The following NTRK3 variants were observed in gnomAD, a reference collection of about 807,000 sequenced individuals.
NTRK3 encodes the protein NT-3 growth factor receptor.
A neutral mutation model predicts 91.7 loss-of-function variants in NTRK3; 24 were observed. The ratio of observed to expected loss-of-function variants is 0.26; its 90% CI spans 0.19 to 0.37. NTRK3 has a LOEUF of 0.37. Among genes scored for constraint, NTRK3 ranks in the 10% least tolerant of loss-of-function variants. The pLI, the probability that NTRK3 is intolerant of heterozygous loss-of-function variation, is 1.00. For synonymous variants in NTRK3, 483 were observed against 404.0 expected, an observed-to-expected ratio of 1.20 and a Z score of -2.34; for missense variants, 880 against 1,068.9, an observed-to-expected ratio of 0.82 and a Z score of 2.46.
At chr15:87,940,840 G>C (rs2069764804) in intron 14 of NTRK3, 87 bp from the exon 15 acceptor site, 1 of 1,598,316 alleles carries the variant, frequency 6.3e-7, no homozygotes, top group Admixed American at 1.7e-5. Flanking sequence ...GTCTAGCGTG[G>C]AGAACTTGGT....
intron 17 of NTRK3, among the ~76,000 whole-genome samples, chr15:87,924,695 C>A (rs1408251885): frequency 6.6e-6 from 1 of 152,176 alleles, no homozygotes; most frequent in Admixed American, 6.5e-5. Context: ...AAGTGAGCAT[C>A]TGGTTATCTG....
intron 17 of NTRK3, among the ~76,000 whole-genome samples, chr15:87,893,540 T>A (rs1158933044): frequency 6.6e-6 from 1 of 152,208 alleles, no homozygotes; most frequent in African/African-American, 2.4e-5. Context: ...GAAAAGAGAA[T>A]TGTCTTGCTC....
intron 14 of NTRK3, among the ~76,000 whole-genome samples, chr15:87,956,407 G>T (rs902855121): frequency 1.3e-5 from 2 of 152,154 alleles, no homozygotes; most frequent in African/African-American, 4.8e-5. Context: ...CTGAGTAGCT[G>T]AGATTACAGG....
In NTRK3 at chr15:88,098,800, C is replaced by G. The variant is rs2279410; in HGVS notation, c.1396+27471G>C. On this transcript the variant is annotated intron_variant, in intron 13 of 18. Coordinates refer to ENST00000394480, the Ensembl canonical transcript of NTRK3. ...CATGGGAGAGATGGAGTGTGAAAGA[C>G]AGGCATTCATCTTGGGCCCAAAATC... 2.1e-5 allele frequency: 5 copies of G among 232,874 alleles called. No homozygotes were observed. In the East Asian group the frequency reaches 3.0e-4, roughly 14 times the overall value. 14.4% of individuals were successfully genotyped at this position (232,874 alleles called of 1,614,324 possible).
intron 13 of NTRK3, among the ~76,000 whole-genome samples, chr15:88,104,423 G>A (rs1021744300): frequency 6.6e-6 from 1 of 152,210 alleles, no homozygotes; most frequent in African/African-American, 2.4e-5. Flanking sequence ...TCTTGAAAAT[G>A]TTTGGCCACT....
At chr15:88,147,310 G>C (rs1178610859) in intron 6 of NTRK3, 25 bp downstream of exon 6, 2 of 1,607,656 alleles carry the variant, frequency 1.2e-6, no homozygotes, top group South Asian at 1.1e-5. Flanking sequence ...TTCAGTACCT[G>C]GACAGTCTTC....
At chr15:88,184,995 T>C (rs75952192) in intron 3 of NTRK3, among the ~76,000 whole-genome samples, 206 of 152,348 alleles carry the variant, frequency 1.4e-3, no homozygotes, top group African/African-American at 4.8e-3. Context: ...TAGCTTCATC[T>C]GAGACTTCAG....
chr15:88,214,156 G>A (rs1397074512), intron 3 of NTRK3, among the ~76,000 whole-genome samples: 1 of 152,126 alleles, frequency 6.6e-6, no homozygotes, highest in Non-Finnish European at 1.5e-5. Flanking sequence ...GTTTCCCGGG[G>A]CTCCCATAAC....
At chr15:88,157,718 G>A (rs1304913137) in intron 5 of NTRK3, among the ~76,000 whole-genome samples, 3 of 152,108 alleles carry the variant, frequency 2.0e-5, no homozygotes, top group Non-Finnish European at 4.4e-5. Context: ...AGATCCAGGA[G>A]GACTTGGGAG....
At chr15:87,885,807 G>A in intron 17 of NTRK3, 72 bp from the exon 18 acceptor site, 1 of 599,022 alleles carries the variant, frequency 1.7e-6, no homozygotes, top group African/African-American at 1.9e-5. Context: ...CCTCAGAAAA[G>A]GAAGGCCTTC....
At chr15:88,064,856 T>A (rs1290204519) in intron 13 of NTRK3, among the ~76,000 whole-genome samples, 1 of 152,156 alleles carries the variant, frequency 6.6e-6, no homozygotes, top group African/African-American at 2.4e-5. Context: ...TAAATGAACC[T>A]CAACACATAG....
At chr15:87,965,876 G>C (rs1483600595) in intron 14 of NTRK3, among the ~76,000 whole-genome samples, 2 of 152,104 alleles carry the variant, frequency 1.3e-5, no homozygotes, top group African/African-American at 4.8e-5. Context: ...TCAGGAGTTT[G>C]AGACCAGCCT....
chr15:88,223,559 T>C (rs2050420294), intron 3 of NTRK3, among the ~76,000 whole-genome samples: 1 of 152,176 alleles, frequency 6.6e-6, no homozygotes, highest in South Asian at 2.1e-4. Flanking sequence ...GGGGCAGCCC[T>C]AGGTAAGGAG....
At chr15:88,223,014 G>A (rs1250403374) in intron 3 of NTRK3, among the ~76,000 whole-genome samples, 1 of 152,168 alleles carries the variant, frequency 6.6e-6, no homozygotes, top group African/African-American at 2.4e-5. Flanking sequence ...AGAGGAGGGA[G>A]AGGAAGGAGA....
intron 10 of NTRK3, among the ~76,000 whole-genome samples, chr15:88,133,957 A>G (rs1003213142): frequency 6.6e-6 from 1 of 152,232 alleles, no homozygotes; most frequent in Non-Finnish European, 1.5e-5. Flanking sequence ...GTTCCCTTGC[A>G]CTGACATAAA....
At chr15:88,175,333 G>C (rs1341702679) in intron 5 of NTRK3, among the ~76,000 whole-genome samples, 2 of 152,042 alleles carry the variant, frequency 1.3e-5, no homozygotes, top group African/African-American at 2.4e-5. Flanking sequence ...CCCCACACAG[G>C]CTCTGAAAGC....
intron 5 of NTRK3, among the ~76,000 whole-genome samples, chr15:88,174,647 C>A (rs1166458852): frequency 6.6e-6 from 1 of 152,226 alleles, no homozygotes; most frequent in Non-Finnish European, 1.5e-5. Context: ...AGCAGAAAGT[C>A]CAGGGGGAAA....
chr15:87,894,382 C>T (rs1199761720), intron 17 of NTRK3, among the ~76,000 whole-genome samples: 1 of 152,222 alleles, frequency 6.6e-6, no homozygotes, highest in Non-Finnish European at 1.5e-5. Context: ...ATGTAATATA[C>T]ATACACACAT....
intron 14 of NTRK3, among the ~76,000 whole-genome samples, chr15:87,989,871 C>T (rs12439685): frequency 0.29 from 43,660 of 151,754 alleles, 6,419 homozygotes; most frequent in South Asian, 0.41. Context: ...CCTCCCAAAG[C>T]GCTGGGATTA....
Sources: gnomAD v4.1 joint callset for allele counts (sites outside exome capture counted in the v4.1 genomes callset) on GRCh38, gnomAD v4.1.1 for gene constraint, MANE v1.5 for transcripts, NCBI Gene and HGNC (gene_info 2026-07-23, HGNC 2026-07-21) for gene names.